TENM1: variants seen among roughly 807,000 people sequenced by gnomAD.
The protein encoded by TENM1 is teneurin-1.
In TENM1, 35 loss-of-function variants were observed where a neutral mutation model predicts 174.8. That is an observed-to-expected ratio of 0.20 (90% CI 0.15 to 0.27). The LOEUF (loss-of-function observed/expected upper bound fraction) is 0.27, where lower values mean the gene tolerates loss of function less well. Ranked by LOEUF, TENM1 falls within the 10% of genes least tolerant of loss-of-function variation. TENM1 has a pLI of 1.00. For synonymous variants in TENM1, 781 were observed against 798.7 expected, an observed-to-expected ratio of 0.98 and a Z score of 0.37; for missense variants, 1,633 against 2,130.1, an observed-to-expected ratio of 0.77 and a Z score of 4.59.
the TENM1 span, among the ~76,000 whole-genome samples, chrX:124,986,470 C>T: frequency 1.1e-4 from 12 of 111,977 alleles, no homozygotes; most frequent in Admixed American, 1.1e-3. Context: ...GGCCATGATT[C>T]CCTCTGAATA....
intron 3 of TENM1, among the ~76,000 whole-genome samples, chrX:124,759,689 T>C (rs2054360490): frequency 8.9e-6 from 1 of 112,229 alleles, no homozygotes; most frequent in Non-Finnish European, 1.9e-5. Context: ...TAATCAGTTG[T>C]ATTTGGAAAA....
At chrX:124,876,684 G>A (rs2057210247) in intron 3 of TENM1, among the ~76,000 whole-genome samples, 2 of 111,537 alleles carry the variant, frequency 1.8e-5, no homozygotes, top group African/African-American at 6.5e-5. Context: ...TACTTCTTTT[G>A]GTTTAAGTAG....
the TENM1 span, among the ~76,000 whole-genome samples, chrX:125,009,101 T>G: frequency 9.7e-6 from 1 of 102,994 alleles, no homozygotes; most frequent in African/African-American, 3.6e-5. Context: ...GGAGCTGTTT[T>G]TTTTTTTTTT....
intron 27 of TENM1, among the ~76,000 whole-genome samples, chrX:124,395,503 C>T (rs960523623): frequency 9.0e-6 from 1 of 110,587 alleles, no homozygotes; most frequent in Non-Finnish European, 1.9e-5. Flanking sequence ...CTTAAATTAT[C>T]TGGGGGCAAG....
In TENM1 at chrX:124,705,124, G is replaced by A; in HGVS notation, c.904C>T (p.Arg302Ter). Residue 302 changes from arginine to a stop codon, truncating the protein, a stop_gained, in exon 5 of 32, where the codon CGA becomes TGA. Coordinates refer to ENST00000422452, the Ensembl canonical transcript of TENM1. LOFTEE classifies it high-confidence loss of function. ...GGTTTGTTAAAGGTAAAGGCAGGTC[G>A]GGAAAAGGTGCTTCGAGGAAGAGGC... is the stretch of plus-strand genomic sequence containing the variant. The A allele has an allele frequency of 1.7e-6, 2 of 1,211,304 alleles. No individual in the cohort carries two copies. Among genetic ancestry groups the A allele is most frequent in the Non-Finnish European group, 2.2e-6 (2 of 895,242 alleles).
At chrX:125,112,830 T>C in the TENM1 span, among the ~76,000 whole-genome samples, 1 of 111,314 alleles carries the variant, frequency 9.0e-6, no homozygotes, top group Non-Finnish European at 1.9e-5. Flanking sequence ...AACGGAGTGA[T>C]ATCCCGTTTA....
chrX:124,778,922 C>T (rs2054844511), intron 3 of TENM1, among the ~76,000 whole-genome samples: 1 of 111,766 alleles, frequency 8.9e-6, no homozygotes, highest in Non-Finnish European at 1.9e-5. Context: ...TTATATTTAA[C>T]CAAACAATTC....
chrX:125,118,477 G>A, the TENM1 span, among the ~76,000 whole-genome samples: 2 of 111,812 alleles, frequency 1.8e-5, no homozygotes, highest in African/African-American at 6.5e-5. Flanking sequence ...AAAAAGGCAA[G>A]CCATACACTG....
intron 1 of TENM1, among the ~76,000 whole-genome samples, chrX:124,907,335 G>A (rs181793105): frequency 1.8e-4 from 20 of 112,388 alleles, no homozygotes; most frequent in African/African-American, 6.1e-4. Context: ...CCAAAATCCT[G>A]AATGGCTAGA....
At chrX:125,115,102 A>G in the TENM1 span, among the ~76,000 whole-genome samples, 4 of 111,806 alleles carry the variant, frequency 3.6e-5, no homozygotes, top group African/African-American at 1.3e-4. Flanking sequence ...AAATCAATAG[A>G]CATAATCCAT....
chrX:124,659,268 T>C (rs1411529278), intron 6 of TENM1, among the ~76,000 whole-genome samples: 1 of 111,676 alleles, frequency 9.0e-6, no homozygotes, highest in African/African-American at 3.3e-5. Context: ...AAAATATCTC[T>C]TGAAAGAAAA....
chrX:124,997,626 T>C, the TENM1 span, among the ~76,000 whole-genome samples: 1 of 111,571 alleles, frequency 9.0e-6, no homozygotes, highest in South Asian at 3.7e-4. Flanking sequence ...TGTGCTTTCA[T>C]CATTAATGCT....
intron 3 of TENM1, among the ~76,000 whole-genome samples, chrX:124,790,422 C>A (rs185194927): frequency 8.9e-6 from 1 of 112,007 alleles, no homozygotes; most frequent in Non-Finnish European, 1.9e-5. Flanking sequence ...ATTTGTATGG[C>A]GCTTTATACT....
chrX:125,170,108 A>C, the TENM1 span, among the ~76,000 whole-genome samples: 1 of 111,651 alleles, frequency 9.0e-6, no homozygotes, highest in East Asian at 2.8e-4. Flanking sequence ...TAAGTTAAGC[A>C]AGGCCTTTAT....
intron 3 of TENM1, among the ~76,000 whole-genome samples, chrX:124,831,861 T>C (rs1269466011): frequency 2.7e-5 from 3 of 111,510 alleles, no homozygotes. Context: ...TCTCCAAATA[T>C]ATGTTTGTCT....
chrX:124,794,531 C>T (rs2055258629), intron 3 of TENM1, among the ~76,000 whole-genome samples: 1 of 110,751 alleles, frequency 9.0e-6, no homozygotes, highest in Non-Finnish European at 1.9e-5. Context: ...TCTCTCTATC[C>T]ACCTCTCTCT....
intron 3 of TENM1, among the ~76,000 whole-genome samples, chrX:124,751,747 T>G (rs2054077456): frequency 1.9e-5 from 2 of 103,400 alleles, no homozygotes; most frequent in South Asian, 9.4e-4. Flanking sequence ...CGGTGTTTGG[T>G]TTTTTGTCCT....
intron 15 of TENM1, among the ~76,000 whole-genome samples, chrX:124,542,010 A>G (rs527474433): frequency 1.8e-5 from 2 of 112,200 alleles, no homozygotes; most frequent in Admixed American, 1.9e-4. Flanking sequence ...CTACCATGCC[A>G]GTAGGAGGCC....
chrX:124,547,027 A>G (rs2048446609), exon 15 of TENM1: 1 of 1,211,832 alleles, frequency 8.3e-7, no homozygotes. Context: ...GCCCTGGCAG[A>G]GAGGACTTAT....
Sources: allele counts gnomAD v4.1 joint callset (sites outside exome capture counted in the v4.1 genomes callset), GRCh38; gene constraint gnomAD v4.1.1; transcripts MANE v1.5; gene names NCBI Gene and HGNC (gene_info 2026-07-23, HGNC 2026-07-21).